TBX18: variants seen among roughly 807,000 people sequenced by gnomAD.
TBX18 encodes the protein T-box transcription factor TBX18.
TBX18 carries 21 observed loss-of-function variants against 55.0 expected under a neutral mutation model. That is an observed-to-expected ratio of 0.38 (90% confidence interval 0.27 to 0.55). The LOEUF (loss-of-function observed/expected upper bound fraction) is 0.55. Among genes scored for constraint, TBX18 ranks in the 20% least tolerant of loss-of-function variants. The probability of loss-of-function intolerance (pLI) is 0.73; values close to 1 mark genes in which losing one functional copy is unlikely to be tolerated. For synonymous variants in TBX18, 342 were observed against 326.1 expected (o/e 1.05, Z -0.53); for missense variants, 840 against 799.6 (o/e 1.05, Z -0.61).
rs1293959317 is a variant in TBX18 at position 84,759,336 on chromosome 6, TG to T, written c.599+918del. On this transcript the variant is annotated intron_variant, in intron 3 of 7. Transcript: ENST00000369663. The stretch of plus-strand genomic sequence containing the variant: ...AAAGCGACTCCTTAAATTGTTGAAG[TG>T]ATAAAAAACAAATCTGATTTTGTTT... 3.3e-5 allele frequency among the ~76,000 whole-genome samples: 5 copies of T among 152,136 alleles called. No homozygotes were observed. In the East Asian group the frequency reaches 9.6e-4, roughly 29 times the overall value.
At chr6:84,763,586 A>G in intron 1 of TBX18, 4 of 637,018 alleles carry the variant, frequency 6.3e-6, no homozygotes, top group Non-Finnish European at 1.1e-5. Flanking sequence ...CATTGGCTGG[A>G]ACCCCAAGGG....
chr6:84,760,823 C>T (rs186316130), intron 2 of TBX18, among the ~76,000 whole-genome samples: 63 of 152,184 alleles, frequency 4.1e-4, no homozygotes, highest in African/African-American at 1.5e-3. Flanking sequence ...ATGCTATAAC[C>T]AAACAATATG....
At chr6:84,755,861 G>T (rs1475874917) in intron 4 of TBX18, among the ~76,000 whole-genome samples, 2 of 152,106 alleles carry the variant, frequency 1.3e-5, no homozygotes, top group Non-Finnish European at 2.9e-5. Context: ...CTTACATTTT[G>T]TTTTAAAAGA....
At position 84,738,485 on chromosome 6, in the gene TBX18, T is replaced by C. The variant is rs977152603; in HGVS notation, c.1099+12A>G. 5.0e-6 allele frequency: 8 copies of C among 1,611,996 alleles called. No homozygotes were observed. Among genetic ancestry groups the C allele is most frequent in the Non-Finnish European group, 6.8e-6 (8 of 1,178,086 alleles). Reference sequence around the variant, plus strand: ...GGGCTGTATATATGACCCAGGAGACTTTGTGAGTTACCTTGCTTGGGAATT... The same window carrying C: ...GGGCTGTATATATGACCCAGGAGACCTTGTGAGTTACCTTGCTTGGGAATT... On this transcript the variant is annotated intron_variant, in intron 7 of 7. Coordinates refer to ENST00000369663, the MANE Select transcript of TBX18 (RefSeq NM_001080508.3).
At chr6:84,743,896 T>C (rs75519671) in intron 6 of TBX18, among the ~76,000 whole-genome samples, 2,405 of 152,252 alleles carry the variant, frequency 0.016, 76 homozygotes, top group African/African-American at 0.055. Context: ...ACAATATCAA[T>C]AGATAGTCGC....
At chr6:84,761,757 C>A (rs925496521) in intron 2 of TBX18, among the ~76,000 whole-genome samples, 1 of 152,088 alleles carries the variant, frequency 6.6e-6, no homozygotes, top group Non-Finnish European at 1.5e-5. Flanking sequence ...CCCAACAAAT[C>A]CATTTATTTT....
intron 6 of TBX18, among the ~76,000 whole-genome samples, chr6:84,739,132 C>T (rs1047015623): frequency 6.6e-6 from 1 of 152,074 alleles, no homozygotes; most frequent in Non-Finnish European, 1.5e-5. Context: ...CTCTACTACA[C>T]CCAGTGTAGC....
chr6:84,732,754 T>A lies in TBX18; in HGVS notation c.*3931A>T, dbSNP rs2127868595. ...CACAGTTCCATTTAAAGGATAAATT[T>A]CACATAATTCAACAAGTTGAAAATA... On this transcript the variant is annotated 3_prime_UTR_variant, in exon 8 of 8. Transcript: ENST00000369663. 1 of 152,044 alleles carries A rather than the reference T, an allele frequency of 6.6e-6. No homozygotes were observed. Among genetic ancestry groups the A allele is most frequent in the Middle Eastern group, 3.4e-3 (1 of 294 alleles). 9.4% of individuals were successfully genotyped at this position (152,044 alleles called of 1,614,324 possible).
At position 84,764,036 on chromosome 6, in the gene TBX18, GC is replaced by G; in HGVS notation, c.145del (p.Ala49ProfsTer107). 1.3e-6 allele frequency: 2 copies of G among 1,555,464 alleles called. No individual in the cohort carries two copies. The highest frequency in any genetic ancestry group is 2.4e-5 in the East Asian group (1 of 42,060). On this transcript the variant is annotated frameshift_variant, in exon 1 of 8. Transcript: ENST00000369663. LOFTEE classifies it high-confidence loss of function. ...GCGGCTGCAGCCTCCGTCGTCCACG[GC>G]CCCCGCCGCCTCTTCGGCGCCCAGT... ...RKLGAEEAAG[A>X]VDDGGCSRGG...
At chr6:84,755,790 G>A (rs1358277418) in intron 4 of TBX18, among the ~76,000 whole-genome samples, 1 of 152,184 alleles carries the variant, frequency 6.6e-6, no homozygotes, top group Non-Finnish European at 1.5e-5. Context: ...AATTTCTTAA[G>A]ACATTGTTTA....
At chr6:84,742,984 G>C (rs970248843) in intron 6 of TBX18, among the ~76,000 whole-genome samples, 3 of 147,798 alleles carry the variant, frequency 2.0e-5, no homozygotes, top group Non-Finnish European at 4.5e-5. Context: ...GGTTAACCAG[G>C]AGCTAATGTA....
At chr6:84,738,991 G>A (rs1766970910) in intron 6 of TBX18, among the ~76,000 whole-genome samples, 1 of 152,142 alleles carries the variant, frequency 6.6e-6, no homozygotes, top group Non-Finnish European at 1.5e-5. Context: ...GGAAGGCATT[G>A]CCACAAAAGC....
At chr6:84,748,319 C>CAGGGTTTCACTA (rs1562261338) in intron 4 of TBX18, among the ~76,000 whole-genome samples, 1 of 152,108 alleles carries the variant, frequency 6.6e-6, no homozygotes, top group East Asian at 1.9e-4. Context: ...ACCCTGTGTA[C>CAGGGTTTCACTA]AACCATGTGA....
chr6:84,750,393 T>C (rs1767315970), intron 4 of TBX18, among the ~76,000 whole-genome samples: 1 of 152,010 alleles, frequency 6.6e-6, no homozygotes, highest in Non-Finnish European at 1.5e-5. Flanking sequence ...CCAGTAGATA[T>C]TCTTTTTCAG....
rs774076320 is a variant in TBX18 at position 84,762,665 on chromosome 6, G to A, written c.376C>T (p.Leu126=). The A allele has an allele frequency of 3.1e-6, 5 of 1,610,238 alleles. No homozygotes were observed. The highest frequency in any genetic ancestry group is 3.4e-5 in the Admixed American group (2 of 59,658). Residue 126 remains leucine (L), a synonymous_variant, in exon 2 of 8, where the codon CTG becomes TTG. Transcript: ENST00000369663. Reference sequence around the variant, plus strand: ...GGCAGAGGGGTCCCGGGCCGGGCCAGGGAGCGCGCCGGAGACCCCTTGGGG... The same window carrying A: ...GGCAGAGGGGTCCCGGGCCGGGCCAAGGAGCGCGCCGGAGACCCCTTGGGG... ...GSPKGSPARS[L]ARPGTPLPSP... is the part of the protein sequence containing the mutation.
At chr6:84,750,894 C>T (rs1582076693) in intron 4 of TBX18, among the ~76,000 whole-genome samples, 1 of 152,214 alleles carries the variant, frequency 6.6e-6, no homozygotes, top group Non-Finnish European at 1.5e-5. Context: ...CTCTGTTTTT[C>T]CCCCTCCCTC....
intron 4 of TBX18, among the ~76,000 whole-genome samples, chr6:84,750,993 T>C (rs114165085): frequency 0.011 from 1,679 of 152,256 alleles, 30 homozygotes; most frequent in African/African-American, 0.037. Context: ...ACCCTTCCTC[T>C]TCTCCAAGGT....
intron 3 of TBX18, among the ~76,000 whole-genome samples, chr6:84,759,024 A>C (rs1439989395): frequency 6.6e-6 from 1 of 152,136 alleles, no homozygotes; most frequent in Non-Finnish European, 1.5e-5. Flanking sequence ...AAAAAGGAAT[A>C]ATTATTAAGC....
intron 5 of TBX18, among the ~76,000 whole-genome samples, chr6:84,747,704 C>T (rs1412883080): frequency 6.6e-6 from 1 of 152,168 alleles, no homozygotes; most frequent in African/African-American, 2.4e-5. Context: ...CCTACACTGT[C>T]AGTCACAAGA....
Sources: allele counts gnomAD v4.1 joint callset (sites outside exome capture counted in the v4.1 genomes callset), GRCh38; gene constraint gnomAD v4.1.1; transcripts MANE v1.5; gene names NCBI Gene and HGNC (gene_info 2026-07-23, HGNC 2026-07-21).